The following RBFOX1 variants were observed in gnomAD, a reference collection of about 807,000 sequenced individuals.
The protein encoded by RBFOX1 is RNA binding fox-1 homolog 1.
A neutral mutation model predicts 57.7 loss-of-function variants in RBFOX1; 8 were observed. The observed-to-expected ratio is 0.14, with a 90% CI of 0.08 to 0.25. The LOEUF (loss-of-function observed/expected upper bound fraction) is 0.25, where lower values mean the gene tolerates loss of function less well. RBFOX1 is among the 10% of genes least tolerant of loss of function. The pLI, the probability that RBFOX1 is intolerant of heterozygous loss-of-function variation, is 1.00. For synonymous variants in RBFOX1, 326 were observed against 222.4 expected, an observed-to-expected ratio of 1.47 and a Z score of -4.15; for missense variants, 611 against 548.5, an observed-to-expected ratio of 1.11 and a Z score of -1.14.
chr16:7,374,203 G>A (rs987466781), intron 4 of RBFOX1, among the ~76,000 whole-genome samples: 9 of 152,110 alleles, frequency 5.9e-5, no homozygotes, highest in Admixed American at 5.9e-4. Flanking sequence ...TGAATTTTGG[G>A]GATTCAATAT....
At chr16:7,638,115 C>G (rs1045941338) in intron 11 of RBFOX1, among the ~76,000 whole-genome samples, 1 of 152,096 alleles carries the variant, frequency 6.6e-6, no homozygotes, top group Non-Finnish European at 1.5e-5. Context: ...CTTCCACCCC[C>G]CACTTAAGTT....
chr16:6,625,876 C>G (rs530985018), intron 2 of RBFOX1, among the ~76,000 whole-genome samples: 45 of 152,272 alleles, frequency 3.0e-4, no homozygotes, highest in Non-Finnish European at 5.3e-4. Flanking sequence ...GTTGGGGATT[C>G]TTACATTGGC....
intron 3 of RBFOX1, among the ~76,000 whole-genome samples, chr16:6,677,719 C>T (rs906155910): frequency 2.0e-5 from 3 of 152,030 alleles, no homozygotes; most frequent in Admixed American, 6.5e-5. Context: ...TCCTTTTTTC[C>T]TCTTTTGTAA....
intron 2 of RBFOX1, among the ~76,000 whole-genome samples, chr16:6,583,998 A>G (rs1351722898): frequency 1.7e-5 from 2 of 116,928 alleles, no homozygotes; most frequent in Non-Finnish European, 4.0e-5. Context: ...CGACAACAAC[A>G]TTTAAAAAAA....
chr16:6,943,579 G>T (rs555640201), intron 3 of RBFOX1, among the ~76,000 whole-genome samples: 1 of 151,962 alleles, frequency 6.6e-6, no homozygotes, highest in Non-Finnish European at 1.5e-5. Context: ...GCGGTGGCGG[G>T]TGCCTGTAGT....
intron 11 of RBFOX1, among the ~76,000 whole-genome samples, chr16:7,637,009 T>G (rs1001407158): frequency 2.0e-5 from 3 of 152,118 alleles, no homozygotes; most frequent in African/African-American, 7.2e-5. Flanking sequence ...ACATATGAAT[T>G]TGAGTGGAGA....
At chr16:5,801,153 C>T (rs2055043126) in intron 3 of RBFOX1, among the ~76,000 whole-genome samples, 1 of 152,126 alleles carries the variant, frequency 6.6e-6, no homozygotes, top group Admixed American at 6.6e-5. Context: ...ATGCAGTGGG[C>T]CATTTTAATT....
intron 3 of RBFOX1, chr16:6,873,975 C>G (rs75905826): frequency 3.9e-5 from 6 of 152,124 alleles, no homozygotes; most frequent in Non-Finnish European, 8.8e-5. Flanking sequence ...ACAACGATGA[C>G]ATGGGAATTT....
chr16:6,776,264 AGCCGG>A (rs1222919197), intron 3 of RBFOX1, among the ~76,000 whole-genome samples: 1 of 151,612 alleles, frequency 6.6e-6, no homozygotes, highest in African/African-American at 2.4e-5. Context: ...ACAAAAAATT[AGCCGG>A]GCGTGGTGGC....
chr16:5,800,220 A>G (rs1467584602), intron 3 of RBFOX1, among the ~76,000 whole-genome samples: 2 of 152,214 alleles, frequency 1.3e-5, no homozygotes, highest in Non-Finnish European at 2.9e-5. Context: ...CAAGGGCCAC[A>G]GGTGATGCTC....
chr16:7,450,677 G>C (rs550367843), intron 4 of RBFOX1, among the ~76,000 whole-genome samples: 2 of 152,016 alleles, frequency 1.3e-5, no homozygotes, highest in African/African-American at 4.8e-5. Context: ...TGAAAAGAAG[G>C]GTGTTGGCAT....
intron 4 of RBFOX1, among the ~76,000 whole-genome samples, chr16:7,191,885 G>A (rs1057373428): frequency 6.6e-6 from 1 of 152,202 alleles, no homozygotes; most frequent in African/African-American, 2.4e-5. Flanking sequence ...CAGAATGTAA[G>A]CCTTGGGAAT....
At chr16:6,940,644 C>A (rs1301483952) in intron 3 of RBFOX1, among the ~76,000 whole-genome samples, 2 of 152,112 alleles carry the variant, frequency 1.3e-5, no homozygotes, top group Non-Finnish European at 2.9e-5. Context: ...GTCACCCAGG[C>A]TGGAGTGGAG....
intron 10 of RBFOX1, among the ~76,000 whole-genome samples, chr16:7,627,019 T>C (rs1229384457): frequency 2.6e-5 from 4 of 151,716 alleles, no homozygotes; most frequent in Admixed American, 2.0e-4. Flanking sequence ...AAATGCAAGA[T>C]AAGAGCATAG....
At chr16:7,244,211 C>A (rs1019532087) in intron 4 of RBFOX1, among the ~76,000 whole-genome samples, 2 of 141,920 alleles carry the variant, frequency 1.4e-5, no homozygotes, top group Non-Finnish European at 3.0e-5. Context: ...TTCATCCCTT[C>A]TTCAGAGTCT....
chr16:7,183,137 C>T, intron 4 of RBFOX1, among the ~76,000 whole-genome samples: 1 of 152,160 alleles, frequency 6.6e-6, no homozygotes, highest in East Asian at 1.9e-4. Context: ...GATCAGTATT[C>T]AACCCTCTTT....
intron 4 of RBFOX1, among the ~76,000 whole-genome samples, chr16:7,257,215 C>A (rs1297279474): frequency 6.6e-6 from 1 of 152,152 alleles, no homozygotes; most frequent in Non-Finnish European, 1.5e-5. Flanking sequence ...ATCTTCCCAT[C>A]CCCGGGGTCA....
rs893914687 is a variant in RBFOX1 at position 5,413,492 on chromosome 16, C to G, written c.220-53724C>G. On this transcript the variant is annotated intron_variant, in intron 1 of 2. Coordinates refer to the RBFOX1 transcript ENST00000585867. The stretch of plus-strand genomic sequence containing the variant: ...AGCTTCTCAGTTACAGTAGCCACCA[C>G]TCCCGTGTTCATTGCTACCACAGCT... Among the ~76,000 whole-genome samples, 4 of 152,216 alleles carry G rather than the reference C, an allele frequency of 2.6e-5. 1 individual carries two copies. In the South Asian group the frequency reaches 8.3e-4, roughly 32 times the overall value.
intron 1 of RBFOX1, among the ~76,000 whole-genome samples, chr16:5,288,115 G>A (rs1486570223): frequency 3.3e-5 from 5 of 152,194 alleles, no homozygotes; most frequent in African/African-American, 1.2e-4. Flanking sequence ...TTTGTCCTGC[G>A]TCCCCAAGGG....
Sources: allele counts gnomAD v4.1 joint callset (sites outside exome capture counted in the v4.1 genomes callset), GRCh38; gene constraint gnomAD v4.1.1; transcripts MANE v1.5; gene names NCBI Gene and HGNC (gene_info 2026-07-23, HGNC 2026-07-21).